PDLIM3: variants seen among roughly 807,000 people sequenced by gnomAD.
PDLIM3 encodes the protein PDZ and LIM domain protein 3.
PDLIM3 carries 36 observed loss-of-function variants against 37.3 expected under a neutral mutation model. The observed-to-expected ratio is 0.97, with a 90% CI of 0.74 to 1.28. The LOEUF (loss-of-function observed/expected upper bound fraction) is 1.28, where lower values mean the gene tolerates loss of function less well. Among genes scored for constraint, PDLIM3 ranks in the 50% most tolerant of loss-of-function variants. PDLIM3 has a pLI of 0.00. For missense variants in PDLIM3, 454 were observed against 485.0 expected, an observed-to-expected ratio of 0.94 and a Z score of 0.60; for synonymous variants, 174 against 182.4, an observed-to-expected ratio of 0.95 and a Z score of 0.37.
At chr4:185,516,164 G>T (rs1240068032) in intron 3 of PDLIM3, 1 of 152,250 alleles carries the variant, frequency 6.6e-6, no homozygotes, top group African/African-American at 2.4e-5. Flanking sequence ...GCCTCCCAGA[G>T]TGCTGGGATT....
chr4:185,526,895 T>C (rs1474648236), intron 1 of PDLIM3, among the ~76,000 whole-genome samples: 1 of 152,248 alleles, frequency 6.6e-6, no homozygotes, highest in East Asian at 1.9e-4. Context: ...GCCAAACATC[T>C]GAAGTAGCTT....
intron 1 of PDLIM3, among the ~76,000 whole-genome samples, chr4:185,533,074 T>C (rs1476000546): frequency 6.6e-6 from 1 of 152,148 alleles, no homozygotes; most frequent in African/African-American, 2.4e-5. Flanking sequence ...AATAAATCTT[T>C]TGAAGCCTCA....
At chr4:185,531,926 T>TAAAA (rs33963949) in intron 1 of PDLIM3, among the ~76,000 whole-genome samples, 2,383 of 105,812 alleles carry the variant, frequency 0.023, 75 homozygotes, top group East Asian at 0.094. Flanking sequence ...CTATCTCTAC[T>TAAAA]AAAAAAAAAA....
chr4:185,517,718 T>G (rs2095717078), intron 3 of PDLIM3: 1 of 152,004 alleles, frequency 6.6e-6, no homozygotes, highest in Non-Finnish European at 1.5e-5. Flanking sequence ...TACATTCAGA[T>G]CATAAAAGGA....
chr4:185,523,987 C>G (rs1403667550), intron 2 of PDLIM3, among the ~76,000 whole-genome samples: 1 of 151,170 alleles, frequency 6.6e-6, no homozygotes, highest in Non-Finnish European at 1.5e-5. Context: ...GTACACTGCA[C>G]AGTTTCTGGA....
intron 1 of PDLIM3, among the ~76,000 whole-genome samples, chr4:185,534,452 T>C (rs1365841656): frequency 6.6e-6 from 1 of 152,226 alleles, no homozygotes; most frequent in African/African-American, 2.4e-5. Flanking sequence ...TAATTTTCTA[T>C]GAAGAAAAAC....
Position 185,506,649 on chromosome 4 carries a change from C to G in PDLIM3, c.666G>C (p.Glu222Asp). ...TALGETPLMS[E>D]PTASVPPESD... ...ACTCGGGGGGCACCGAGGCTGTGGG[C>G]TCGCTGAAACACAGGCACGGCGGGG... Residue 222 changes from glutamate to aspartate, a missense_variant, in exon 6 of 8, where the codon GAG becomes GAC. Transcript: ENST00000284767. 6.2e-7 allele frequency: 1 copy of G among 1,604,234 alleles called. No individual in the cohort carries two copies. The highest frequency in any genetic ancestry group is 8.5e-7 in the Non-Finnish European group (1 of 1,179,888).
chr4:185,501,696 C>T lies in PDLIM3; in HGVS notation c.*598G>A, dbSNP rs2095687273. ...GTACATGTTAAAATATGATTGGGTT[C>T]TCTCATTGAAATGTTGATTTTATTT... is the stretch of plus-strand genomic sequence containing the variant. On this transcript the variant is annotated 3_prime_UTR_variant, in exon 8 of 8. Coordinates refer to ENST00000284767, the MANE Select transcript of PDLIM3 (RefSeq NM_014476.6). 6.5e-6 allele frequency: 1 copy of T among 154,876 alleles called. No individual in the cohort carries two copies. Among genetic ancestry groups the T allele is most frequent in the Non-Finnish European group, 1.4e-5 (1 of 69,766 alleles). 9.6% of individuals were successfully genotyped at this position (154,876 alleles called of 1,614,324 possible). A position where few individuals can be genotyped will look rare whatever the true frequency, so the allele number is the denominator to read the frequency against.
chr4:185,514,683 G>A lies in PDLIM3; in HGVS notation c.331-346C>T, dbSNP rs369227117. The A allele has an allele frequency of 6.5e-7, 1 of 1,549,302 alleles. No homozygotes were observed. The highest frequency in any genetic ancestry group is 8.7e-7 in the Non-Finnish European group (1 of 1,145,158). On this transcript the variant is annotated intron_variant, in intron 3 of 7. Transcript: ENST00000284767. The surrounding 1 kb of genome is among the most constrained non-coding windows in gnomAD (Gnocchi z 4.0). ...ATCACTGTTAGGTACACTGTGGCCA[G>A]AACAGAGCCGGATACTTACTTTTGA...
At chr4:185,511,858 T>C (rs915348245) in intron 4 of PDLIM3, among the ~76,000 whole-genome samples, 6 of 152,132 alleles carry the variant, frequency 3.9e-5, no homozygotes, top group Admixed American at 6.6e-5. Context: ...ACATATTGTA[T>C]GCATATATCA....
intron 7 of PDLIM3, among the ~76,000 whole-genome samples, chr4:185,503,435 T>G (rs776815743): frequency 1.3e-4 from 20 of 152,192 alleles, no homozygotes; most frequent in Non-Finnish European, 2.4e-4. Context: ...TTTGACCTTT[T>G]GGTCTCACGT....
chr4:185,502,385 A>T lies in PDLIM3; in HGVS notation c.1004T>A (p.Ile335Lys), dbSNP rs149332321. ...GGTTTCGCAGTACAGCTCCCCTTCT[A>T]TGAAGAAGTAGCCCTTTTGCTTGAG... ...LNLKQKGYFF[I>K]EGELYCETHA... The change falls in exon 8 of 8, where the codon ATA becomes AAA. Residue 335 changes from isoleucine (I) to lysine (K), a missense_variant. By Grantham distance (102) the Ile-to-Lys change is moderately radical. Coordinates refer to ENST00000284767, the MANE Select transcript of PDLIM3 (RefSeq NM_014476.6). 1 of 1,614,066 alleles carries T rather than the reference A, an allele frequency of 6.2e-7. No individual in the cohort carries two copies. The highest frequency in any genetic ancestry group is 8.5e-7 in the Non-Finnish European group (1 of 1,180,030).
intron 3 of PDLIM3, chr4:185,515,103 G>T (rs573747795): frequency 7.6e-6 from 3 of 393,376 alleles, no homozygotes; most frequent in South Asian, 8.9e-5. Flanking sequence ...AGGTGAAAAG[G>T]AACTGACCTT....
At chr4:185,508,120 A>G (rs1453974789) in intron 5 of PDLIM3, among the ~76,000 whole-genome samples, 179 bp downstream of exon 5, 1 of 152,220 alleles carries the variant, frequency 6.6e-6, no homozygotes, top group African/African-American at 2.4e-5. Flanking sequence ...AGTATTTTAA[A>G]AAAGCTTTTC....
intron 1 of PDLIM3, among the ~76,000 whole-genome samples, chr4:185,528,927 G>A (rs556207187): frequency 6.6e-6 from 1 of 152,224 alleles, no homozygotes; most frequent in Non-Finnish European, 1.5e-5. Flanking sequence ...TTACTTTATT[G>A]CATTATTATA....
chr4:185,528,479 C>T (rs1320328860), intron 1 of PDLIM3, among the ~76,000 whole-genome samples: 1 of 152,202 alleles, frequency 6.6e-6, no homozygotes, highest in African/African-American at 2.4e-5. Context: ...TATACTTATG[C>T]AAAATGTTAC....
intron 4 of PDLIM3, chr4:185,513,864 C>T (rs149554187): frequency 2.6e-4 from 294 of 1,130,598 alleles, no homozygotes; most frequent in Non-Finnish European, 3.1e-4. Flanking sequence ...TGCTCCTTAT[C>T]ATTCTGGCTT....
At position 185,530,375 on chromosome 4, in the gene PDLIM3, C is replaced by T. The variant is rs375595959; in HGVS notation, c.93+4967G>A. Among the ~76,000 whole-genome samples, 21 of 152,290 alleles carry T rather than the reference C, an allele frequency of 1.4e-4. No homozygotes were observed. The East Asian group carries it at 3.5e-3, about 25-fold the overall frequency. ...GTCATACACTGTTCTATCTTAAAGC[C>T]TGTACAAATTAGGAACACACTAACT... On this transcript the variant is annotated intron_variant, in intron 1 of 7. Coordinates refer to ENST00000284767, the MANE Select transcript of PDLIM3 (RefSeq NM_014476.6).
intron 3 of PDLIM3, chr4:185,517,000 C>G (rs934442094): frequency 6.6e-6 from 1 of 152,190 alleles, no homozygotes; most frequent in African/African-American, 2.4e-5. Flanking sequence ...TAGAATGACC[C>G]AAACCATCAA....
Sources: gnomAD v4.1 joint callset for allele counts (sites outside exome capture counted in the v4.1 genomes callset) on GRCh38, gnomAD v4.1.1 for gene constraint, Gnocchi (gnomAD v3.1) non-coding constraint, MANE v1.5 for transcripts, NCBI Gene and HGNC (gene_info 2026-07-23, HGNC 2026-07-21) for gene names.